Variants in ATXN7L1 observed in about 807,000 individuals in gnomAD.
ATXN7L1 encodes ataxin 7 like 1, also known as ataxin-7-like protein 1.
In ATXN7L1, 15 loss-of-function variants were observed where a neutral mutation model predicts 70.8. The observed-to-expected ratio is 0.21, with a 90% CI of 0.14 to 0.33. ATXN7L1 has a LOEUF of 0.33. ATXN7L1 is among the 10% of genes least tolerant of loss of function. The probability of loss-of-function intolerance (pLI) is 1.00; values close to 1 mark genes in which losing one functional copy is unlikely to be tolerated. For missense variants in ATXN7L1, 975 were observed against 1,097.1 expected (o/e 0.89, Z 1.57); for synonymous variants, 440 against 445.1 (o/e 0.99, Z 0.14).
At chr7:105,657,805 A>C (rs953306462) in intron 4 of ATXN7L1, among the ~76,000 whole-genome samples, 6 of 151,726 alleles carry the variant, frequency 4.0e-5, no homozygotes, top group African/African-American at 1.5e-4. Flanking sequence ...AGTTTGTTGA[A>C]ATTTAAGAAC....
chr7:105,720,271 C>T (rs973032918), intron 3 of ATXN7L1, among the ~76,000 whole-genome samples: 1 of 152,122 alleles, frequency 6.6e-6, no homozygotes, highest in Admixed American at 6.5e-5. Flanking sequence ...ACAGTGCTTA[C>T]GCCTGTAATC....
chr7:105,817,878 C>T (rs1364107878), intron 2 of ATXN7L1, among the ~76,000 whole-genome samples: 2 of 152,220 alleles, frequency 1.3e-5, no homozygotes, highest in African/African-American at 4.8e-5. Context: ...TGAGTTATCA[C>T]TGCACCCCTG....
chr7:105,658,175 C>A (rs527250793), intron 4 of ATXN7L1, among the ~76,000 whole-genome samples: 37 of 151,882 alleles, frequency 2.4e-4, no homozygotes, highest in African/African-American at 8.9e-4. Context: ...CTAACACAAA[C>A]CCCTGCACAC....
At chr7:105,691,445 C>T (rs190063044) in intron 3 of ATXN7L1, 1 of 152,162 alleles carries the variant, frequency 6.6e-6, no homozygotes, top group East Asian at 1.9e-4. Flanking sequence ...ACAGTTGGAA[C>T]AGAAACTCTT....
intron 3 of ATXN7L1, among the ~76,000 whole-genome samples, chr7:105,715,583 C>T (rs1239879256): frequency 6.6e-6 from 1 of 152,236 alleles, no homozygotes; most frequent in African/African-American, 2.4e-5. Flanking sequence ...TGCCTAAAGG[C>T]ATTTCTGTAG....
At chr7:105,610,933 A>C (rs934865543) in intron 10 of ATXN7L1, among the ~76,000 whole-genome samples, 2 of 152,232 alleles carry the variant, frequency 1.3e-5, no homozygotes, top group Admixed American at 6.5e-5. Context: ...TTCACTCAGC[A>C]GAGGCTGGGC....
intron 2 of ATXN7L1, among the ~76,000 whole-genome samples, chr7:105,861,472 G>A (rs768508885): frequency 6.7e-6 from 1 of 148,898 alleles, no homozygotes. Flanking sequence ...GGGAGGGAGG[G>A]AGGAGAGGAG....
intron 4 of ATXN7L1, among the ~76,000 whole-genome samples, chr7:105,648,236 AAGG>A (rs144736886): frequency 0.037 from 5,667 of 152,206 alleles, 246 homozygotes; most frequent in East Asian, 0.22. Context: ...TAGAAGAGTG[AAGG>A]AGAAGAACCT....
intron 5 of ATXN7L1, among the ~76,000 whole-genome samples, chr7:105,639,857 C>G (rs906002678): frequency 1.2e-4 from 18 of 152,162 alleles, no homozygotes; most frequent in African/African-American, 4.1e-4. Context: ...GAGCAGGCAC[C>G]GAAGGGAAGG....
intron 7 of ATXN7L1, among the ~76,000 whole-genome samples, chr7:105,628,617 G>A (rs563309260): frequency 9.9e-5 from 15 of 151,384 alleles, no homozygotes; most frequent in African/African-American, 3.2e-4. Flanking sequence ...GTGAAACCCC[G>A]TCTCTACTAA....
At chr7:105,834,333 C>T (rs932548591) in intron 2 of ATXN7L1, among the ~76,000 whole-genome samples, 10 of 152,210 alleles carry the variant, frequency 6.6e-5, no homozygotes, top group African/African-American at 1.7e-4. Flanking sequence ...TGAGCCACCA[C>T]GCCTGGCCTC....
intron 3 of ATXN7L1, among the ~76,000 whole-genome samples, chr7:105,774,968 T>G (rs1276978314): frequency 6.6e-6 from 1 of 152,158 alleles, no homozygotes; most frequent in Non-Finnish European, 1.5e-5. Context: ...TTAAGACATC[T>G]GTAGTTCCAG....
chr7:105,756,558 C>T (rs1000495236), intron 3 of ATXN7L1, among the ~76,000 whole-genome samples: 25 of 152,134 alleles, frequency 1.6e-4, no homozygotes, highest in African/African-American at 5.8e-4. Context: ...AAGATGACTG[C>T]ATAATAGGAA....
chr7:105,733,533 T>TCCATCCATCCATCCATCCATCCAC (rs1796844382), intron 3 of ATXN7L1, among the ~76,000 whole-genome samples: 1 of 104,134 alleles, frequency 9.6e-6, no homozygotes, highest in African/African-American at 4.7e-5. Context: ...CATCCATCCA[T>TCCATCCATCCATCCATCCATCCAC]CCATCCACCC....
At chr7:105,728,558 C>T (rs1256065154) in intron 3 of ATXN7L1, among the ~76,000 whole-genome samples, 1 of 152,092 alleles carries the variant, frequency 6.6e-6, no homozygotes, top group African/African-American at 2.4e-5. Flanking sequence ...GCTATAAATA[C>T]ACAGTTAGAA....
intron 4 of ATXN7L1, among the ~76,000 whole-genome samples, chr7:105,657,414 A>G (rs1800831103): frequency 1.3e-5 from 2 of 152,086 alleles, no homozygotes; most frequent in Admixed American, 1.3e-4. Context: ...AAGCATTTAA[A>G]ATGTGGCTAC....
At chr7:105,759,840 T>C (rs1431724752) in intron 3 of ATXN7L1, among the ~76,000 whole-genome samples, 2 of 152,142 alleles carry the variant, frequency 1.3e-5, no homozygotes, top group Non-Finnish European at 2.9e-5. Context: ...TTTTGCCATA[T>C]GTGCAAATCA....
At chr7:105,819,796 A>G in intron 2 of ATXN7L1, 1 of 659,858 alleles carries the variant, frequency 1.5e-6, no homozygotes, top group Non-Finnish European at 2.9e-6. Context: ...GGAGCGCCTC[A>G]AGGTGTTTGA....
chr7:105,618,139 C>G (rs1245585365), intron 9 of ATXN7L1: 1 of 448,528 alleles, frequency 2.2e-6, no homozygotes, highest in Admixed American at 2.4e-5. Context: ...GACAGGACAC[C>G]AGGGAGTGAA....
Sources: allele counts gnomAD v4.1 joint callset (sites outside exome capture counted in the v4.1 genomes callset), GRCh38; gene constraint gnomAD v4.1.1; transcripts MANE v1.5; gene names NCBI Gene and HGNC (gene_info 2026-07-23, HGNC 2026-07-21).